NRG2: variants seen among roughly 807,000 people sequenced by gnomAD.
NRG2 encodes the protein neuregulin 2.
In NRG2, 27 loss-of-function variants were observed where a neutral mutation model predicts 73.9. That is an observed-to-expected ratio of 0.37 (90% CI 0.27 to 0.50). The LOEUF (loss-of-function observed/expected upper bound fraction) is 0.50, where lower values mean the gene tolerates loss of function less well. Among genes scored for constraint, NRG2 ranks in the 20% least tolerant of loss-of-function variants. NRG2 has a pLI of 0.96. For synonymous variants in NRG2, 532 were observed against 541.0 expected (o/e 0.98, Z 0.23); for missense variants, 1,126 against 1,210.1 (o/e 0.93, Z 1.03).
intron 1 of NRG2, among the ~76,000 whole-genome samples, chr5:139,987,216 C>CAAA (rs35519606): frequency 1.4e-4 from 19 of 139,678 alleles, no homozygotes; most frequent in Non-Finnish European, 2.0e-4. Flanking sequence ...TACTAAAATA[C>CAAA]AAAAAAAAAA....
chr5:139,956,299 T>C (rs1754620973), intron 1 of NRG2, among the ~76,000 whole-genome samples: 1 of 152,042 alleles, frequency 6.6e-6, no homozygotes, highest in African/African-American at 2.4e-5. Flanking sequence ...GCTGTCCCTG[T>C]CCTGACCAGC....
chr5:139,855,446 A>G (rs1368784822), intron 6 of NRG2, among the ~76,000 whole-genome samples: 1 of 152,152 alleles, frequency 6.6e-6, no homozygotes, highest in African/African-American at 2.4e-5. Context: ...GCTCACAACC[A>G]TTCTTCGTCA....
At chr5:139,910,173 T>G (rs1161442931) in intron 1 of NRG2, among the ~76,000 whole-genome samples, 1 of 152,188 alleles carries the variant, frequency 6.6e-6, no homozygotes, top group African/African-American at 2.4e-5. Flanking sequence ...GGAGATACAC[T>G]TCCAGATTCC....
At chr5:139,905,477 C>T (rs1765168294) in intron 1 of NRG2, among the ~76,000 whole-genome samples, 1 of 152,240 alleles carries the variant, frequency 6.6e-6, no homozygotes, top group Admixed American at 6.5e-5. Context: ...CCTCTCTGGA[C>T]AGGATTCTCC....
chr5:140,000,111 T>C (rs1279216038), intron 1 of NRG2, among the ~76,000 whole-genome samples: 2 of 152,194 alleles, frequency 1.3e-5, no homozygotes, highest in Non-Finnish European at 2.9e-5. Flanking sequence ...GCCCTAAAAA[T>C]GACCTATAAA....
intron 1 of NRG2, among the ~76,000 whole-genome samples, chr5:140,039,232 G>T (rs1378281527): frequency 6.6e-6 from 1 of 152,128 alleles, no homozygotes; most frequent in Non-Finnish European, 1.5e-5. Context: ...ACAAGATAGG[G>T]TGTAATTATA....
chr5:139,878,906 T>C (rs1763355024), intron 3 of NRG2, among the ~76,000 whole-genome samples: 1 of 152,192 alleles, frequency 6.6e-6, no homozygotes, highest in Non-Finnish European at 1.5e-5. Context: ...AGTTCTCTTA[T>C]ATAATATTTA....
At chr5:139,862,486 T>C (rs560635742) in intron 5 of NRG2, among the ~76,000 whole-genome samples, 1 of 152,358 alleles carries the variant, frequency 6.6e-6, no homozygotes, top group South Asian at 2.1e-4. Flanking sequence ...CGGAAGGTCC[T>C]ATTAACCAGA....
At chr5:140,001,012 C>T (rs1214120231) in intron 1 of NRG2, among the ~76,000 whole-genome samples, 3 of 152,182 alleles carry the variant, frequency 2.0e-5, no homozygotes, top group Non-Finnish European at 2.9e-5. Flanking sequence ...TCCACCCTCA[C>T]GCCCCATGTT....
chr5:139,914,601 C>T (rs1751109375), intron 1 of NRG2, among the ~76,000 whole-genome samples: 1 of 152,226 alleles, frequency 6.6e-6, no homozygotes, highest in Admixed American at 6.5e-5. Flanking sequence ...TCACTCATGC[C>T]TGTATACATA....
chr5:139,961,274 C>T (rs1207321235), intron 1 of NRG2, among the ~76,000 whole-genome samples: 1 of 152,156 alleles, frequency 6.6e-6, no homozygotes, highest in African/African-American at 2.4e-5. Flanking sequence ...CTGCCATGAT[C>T]TAGGTTTCGG....
chr5:140,032,985 T>G (rs1265679155), intron 1 of NRG2, among the ~76,000 whole-genome samples: 1 of 152,218 alleles, frequency 6.6e-6, no homozygotes, highest in Non-Finnish European at 1.5e-5. Flanking sequence ...TAATTAGCAG[T>G]CTTTGTCCTA....
chr5:139,996,841 A>G (rs1373029938), intron 1 of NRG2, among the ~76,000 whole-genome samples: 10 of 150,166 alleles, frequency 6.7e-5, no homozygotes, highest in Admixed American at 5.3e-4. Context: ...CATTTAAAAG[A>G]TTGAGGGGGT....
At chr5:139,963,003 C>A (rs983012928) in intron 1 of NRG2, among the ~76,000 whole-genome samples, 4 of 152,218 alleles carry the variant, frequency 2.6e-5, no homozygotes, top group African/African-American at 9.6e-5. Flanking sequence ...TGACCTTCTC[C>A]AGGTTAGGTT....
At chr5:139,967,942 G>C (rs184073566) in intron 1 of NRG2, among the ~76,000 whole-genome samples, 115 of 149,968 alleles carry the variant, frequency 7.7e-4, no homozygotes, top group African/African-American at 2.6e-3. Flanking sequence ...CTGGGCAACA[G>C]AGCTAGACTC....
chr5:139,979,488 G>A (rs1471571770), intron 1 of NRG2, among the ~76,000 whole-genome samples: 3 of 152,176 alleles, frequency 2.0e-5, no homozygotes, highest in Non-Finnish European at 4.4e-5. Flanking sequence ...TGGGATTCTC[G>A]TTCTTGTGTA....
chr5:139,864,971 G>A, intron 5 of NRG2: 1 of 750,044 alleles, frequency 1.3e-6, no homozygotes, highest in Non-Finnish European at 2.4e-6. Context: ...GGAGGTGGGG[G>A]TGCCGGGGGT....
chr5:140,020,137 C>G (rs1364407017), intron 1 of NRG2, among the ~76,000 whole-genome samples: 1 of 152,320 alleles, frequency 6.6e-6, no homozygotes, highest in Non-Finnish European at 1.5e-5. Context: ...GCTCAGAAGT[C>G]TCCTTGCTAT....
intron 9 of NRG2, among the ~76,000 whole-genome samples, chr5:139,850,135 T>G (rs1478403077): frequency 1.3e-5 from 2 of 152,240 alleles, no homozygotes; most frequent in African/African-American, 4.8e-5. Context: ...TTAAGGAGTC[T>G]CATTGCTGTG....
Sources: allele counts gnomAD v4.1 joint callset (sites outside exome capture counted in the v4.1 genomes callset), GRCh38; gene constraint gnomAD v4.1.1; transcripts MANE v1.5; gene names NCBI Gene and HGNC (gene_info 2026-07-23, HGNC 2026-07-21).